PRKN: variants seen among roughly 807,000 people sequenced by gnomAD.
The protein encoded by PRKN is parkin RBR E3 ubiquitin protein ligase, also known as E3 ubiquitin-protein ligase parkin.
PRKN carries 56 observed loss-of-function variants against 59.5 expected under a neutral mutation model. That is an observed-to-expected ratio of 0.94 (90% CI 0.76 to 1.18). PRKN has a LOEUF of 1.18. PRKN is among the 50% of genes most tolerant of loss of function. The pLI is 0.00. For missense variants in PRKN, 657 were observed against 596.4 expected (o/e 1.10, Z -1.06); for synonymous variants, 250 against 222.1 (o/e 1.13, Z -1.12).
chr6:162,073,161 A>G (rs1237099313), intron 4 of PRKN, among the ~76,000 whole-genome samples: 1 of 152,218 alleles, frequency 6.6e-6, no homozygotes, highest in Non-Finnish European at 1.5e-5. Flanking sequence ...AAATGAATGA[A>G]TGGAGCAAGG....
intron 9 of PRKN, among the ~76,000 whole-genome samples, chr6:161,534,616 T>C (rs1779345557): frequency 6.6e-6 from 1 of 152,240 alleles, no homozygotes; most frequent in South Asian, 2.1e-4. Context: ...CAGTTACGTG[T>C]TGCCATGCGG....
chr6:162,106,746 TC>T (rs1446781621), intron 4 of PRKN, among the ~76,000 whole-genome samples: 1 of 152,132 alleles, frequency 6.6e-6, no homozygotes, highest in African/African-American at 2.4e-5. Context: ...ACCAATACCT[TC>T]CCCTGGCATA....
rs112578963 is a variant in PRKN at position 161,975,221 on chromosome 6, G to T, written c.619-1804C>A. ...CTGCCTCAGCCTCCCGAGTAGCTGGGACTACAGGTGCCCGCCACCACGCCT... is the reference window on the plus strand; with the variant it reads ...CTGCCTCAGCCTCCCGAGTAGCTGGTACTACAGGTGCCCGCCACCACGCCT... On this transcript the variant is annotated intron_variant, in intron 5 of 11. Transcript: ENST00000366898. Among the ~76,000 whole-genome samples, 696 of 151,972 alleles carry T rather than the reference G, an allele frequency of 4.6e-3. 3 individuals are homozygous for T. Among genetic ancestry groups the T allele is most frequent in the African/African-American group, 0.014 (590 of 41,456 alleles).
At chr6:162,493,717 G>A (rs762535749) in intron 1 of PRKN, among the ~76,000 whole-genome samples, 4 of 152,152 alleles carry the variant, frequency 2.6e-5, no homozygotes, top group Admixed American at 6.5e-5. Context: ...TGACGAAAGC[G>A]TCCATGCATG....
In PRKN at chr6:161,459,437, C is replaced by T. The variant is rs1790109326; in HGVS notation, c.1084-72560G>A. ...GCACATGTTGAAATAAATCAGAGGC[C>T]TGTTTACAAATGGAGCCACCATTTC... On this transcript the variant is annotated intron_variant, in intron 9 of 11. Transcript: ENST00000366898. The surrounding 1 kb of genome is among the most constrained non-coding windows in gnomAD (Gnocchi z 4.8). 1.3e-5 allele frequency among the ~76,000 whole-genome samples: 2 copies of T among 152,168 alleles called. No homozygotes were observed.
At chr6:162,461,499 C>CAAAAAAAAAAAAAAAAAAAAAAAA (rs780424226) in intron 1 of PRKN, among the ~76,000 whole-genome samples, 19 of 36,516 alleles carry the variant, frequency 5.2e-4, no homozygotes, top group Non-Finnish European at 7.4e-4. Flanking sequence ...TAAAGTGTCT[C>CAAAAAAAAAAAAAAAAAAAAAAAA]AAAAAAAAAA....
At chr6:162,193,941 G>C (rs2023075) in intron 4 of PRKN, among the ~76,000 whole-genome samples, 1 of 152,130 alleles carries the variant, frequency 6.6e-6, no homozygotes, top group Non-Finnish European at 1.5e-5. Context: ...GAAAAGTCCT[G>C]GAAATTCAAT....
At chr6:161,615,198 G>A (rs1782647077) in intron 7 of PRKN, among the ~76,000 whole-genome samples, 1 of 152,074 alleles carries the variant, frequency 6.6e-6, no homozygotes, top group African/African-American at 2.4e-5. Context: ...GAGGGGTCTT[G>A]AAACAGCTAG....
intron 7 of PRKN, among the ~76,000 whole-genome samples, chr6:161,750,352 T>G (rs993736442): frequency 2.0e-5 from 3 of 152,166 alleles, no homozygotes; most frequent in Non-Finnish European, 2.9e-5. Context: ...CTAATTGACA[T>G]CTATTTCTGA....
At chr6:161,577,676 GA>G (rs1781182207) in intron 7 of PRKN, among the ~76,000 whole-genome samples, 1 of 152,152 alleles carries the variant, frequency 6.6e-6, no homozygotes, top group South Asian at 2.1e-4. Context: ...TATCTTTTAG[GA>G]GCTCAGCATA....
intron 2 of PRKN, among the ~76,000 whole-genome samples, chr6:162,431,657 G>A (rs1004917229): frequency 6.6e-6 from 1 of 152,114 alleles, no homozygotes; most frequent in African/African-American, 2.4e-5. Context: ...TATTTTTATA[G>A]TTCTCTCATC....
intron 1 of PRKN, among the ~76,000 whole-genome samples, chr6:162,581,558 C>G (rs577594813): frequency 1.9e-4 from 29 of 152,290 alleles, no homozygotes; most frequent in South Asian, 4.1e-4. Flanking sequence ...GTCAGGAGTT[C>G]GGGACCAGCC....
Position 161,354,776 on chromosome 6 carries a change from G to A in PRKN, c.1286-4565C>T, listed in dbSNP as rs1000592089. 6.6e-6 allele frequency among the ~76,000 whole-genome samples: 1 copy of A among 152,108 alleles called. No individual in the cohort carries two copies. The highest frequency in any genetic ancestry group is 2.4e-5 in the African/African-American group (1 of 41,414). ...AGTGATGCACTTTTAAACAGTTTAG[G>A]CCATCGCTAATAAGCTTCAAGTCTC... On this transcript the variant is annotated intron_variant, in intron 11 of 11. Coordinates refer to ENST00000366898, the MANE Select transcript of PRKN (RefSeq NM_004562.3). This position sits in a 1 kb window ranked among gnomAD's most constrained non-coding sequence, Gnocchi z 6.7.
chr6:162,697,455 G>A (rs1276372619), intron 1 of PRKN, among the ~76,000 whole-genome samples: 1 of 152,062 alleles, frequency 6.6e-6, no homozygotes, highest in Non-Finnish European at 1.5e-5. Flanking sequence ...AGTAAAAAAA[G>A]CAAGTTTTAA....
chr6:162,304,287 C>T (rs1782112413), intron 2 of PRKN, among the ~76,000 whole-genome samples: 1 of 150,400 alleles, frequency 6.6e-6, no homozygotes. Context: ...GTTTTTTTCT[C>T]CTATGTACAC....
intron 1 of PRKN, among the ~76,000 whole-genome samples, chr6:162,623,201 G>A (rs770387968): frequency 6.6e-6 from 1 of 152,112 alleles, no homozygotes; most frequent in Non-Finnish European, 1.5e-5. Context: ...TTTTATTTTT[G>A]AGAGAATACA....
chr6:161,584,454 T>C lies in PRKN; in HGVS notation c.872-15038A>G, dbSNP rs1262785656. On this transcript the variant is annotated intron_variant, in intron 7 of 11. Coordinates refer to ENST00000366898, the MANE Select transcript of PRKN (RefSeq NM_004562.3). This position sits in a 1 kb window ranked among gnomAD's most constrained non-coding sequence, Gnocchi z 4.8. ...AGTTAATTTAATATAATAATAGTTC[T>C]TCTATTATAATCTTCATGTGCCAAA... 3.9e-5 allele frequency among the ~76,000 whole-genome samples: 6 copies of C among 152,230 alleles called. No homozygotes were observed. The highest frequency in any genetic ancestry group is 1.4e-4 in the African/African-American group (6 of 41,470).
rs1583248472 is a variant in PRKN, at chr6:161,575,092, G to T, written c.872-5676C>A. Among the ~76,000 whole-genome samples, 2 of 152,200 alleles carry T rather than the reference G, an allele frequency of 1.3e-5. No individual in the cohort carries two copies. Among genetic ancestry groups the T allele is most frequent in the Middle Eastern group, 3.4e-3 (1 of 294 alleles). On this transcript the variant is annotated intron_variant, in intron 7 of 11. Transcript: ENST00000366898. This position sits in a 1 kb window ranked among gnomAD's most constrained non-coding sequence, Gnocchi z 4.6. ...TAGTTATTAAACCCATCACTCAACT[G>T]TTGCCTGTGTTTTCTAAAAATCTGA...
chr6:162,315,592 GATTA>G (rs1782722382), intron 2 of PRKN, among the ~76,000 whole-genome samples: 1 of 152,124 alleles, frequency 6.6e-6, no homozygotes, highest in African/African-American at 2.4e-5. Flanking sequence ...ACATAGCAAT[GATTA>G]ATTAACAGGA....
Sources: allele counts gnomAD v4.1 joint callset (sites outside exome capture counted in the v4.1 genomes callset), GRCh38; gene constraint gnomAD v4.1.1; non-coding constraint Gnocchi (gnomAD v3.1); transcripts MANE v1.5; gene names NCBI Gene and HGNC (gene_info 2026-07-23, HGNC 2026-07-21).